Variants in ACSM2A observed in about 807,000 individuals in gnomAD.
ACSM2A encodes the protein acyl-CoA synthetase medium chain family member 2A.
A neutral mutation model predicts 76.6 loss-of-function variants in ACSM2A; 72 were observed. That is an observed-to-expected ratio of 0.94 (90% confidence interval 0.78 to 1.14). The LOEUF (loss-of-function observed/expected upper bound fraction) is 1.14, where lower values mean the gene tolerates loss of function less well. Among genes scored for constraint, ACSM2A ranks in the 50% most tolerant of loss-of-function variants. The pLI is 0.00. For synonymous variants in ACSM2A, 249 were observed against 255.9 expected (o/e 0.97, Z 0.26); for missense variants, 684 against 708.5 (o/e 0.97, Z 0.39).
chr16:20,487,070 AT>A lies in ACSM2A; in HGVS notation c.*393del. ...AATAATTGAAGGGAGAATCAGAAAA[AT>A]AAAGAGCAGAAAGGAAAGAAATAAA... On this transcript the variant is annotated 3_prime_UTR_variant, in exon 14 of 14. Coordinates refer to ENST00000573854, the MANE Select transcript of ACSM2A (RefSeq NM_001308172.2). 6.3e-6 allele frequency: 1 copy of A among 159,834 alleles called. No homozygotes were observed. Among genetic ancestry groups the A allele is most frequent in the African/African-American group, 2.4e-5 (1 of 41,740 alleles). 9.9% of individuals were successfully genotyped at this position (159,834 alleles called of 1,614,324 possible).
intron 3 of ACSM2A, among the ~76,000 whole-genome samples, chr16:20,469,244 T>C (rs2013211817): frequency 6.6e-6 from 1 of 152,160 alleles, no homozygotes; most frequent in Non-Finnish European, 1.5e-5. Context: ...GAGAATTGTA[T>C]GTGTCTTAGA....
chr16:20,474,094 T>C (rs1045259233), intron 6 of ACSM2A: 6 of 446,748 alleles, frequency 1.3e-5, no homozygotes, highest in South Asian at 3.2e-5. Context: ...TGATGTCTTA[T>C]GTCTCCCTAA....
intron 1 of ACSM2A, among the ~76,000 whole-genome samples, chr16:20,459,048 G>C (rs371431680): frequency 6.6e-6 from 1 of 150,960 alleles, no homozygotes; most frequent in South Asian, 2.1e-4. Flanking sequence ...TTCAGGAATG[G>C]AAACCCAAGC....
intron 2 of ACSM2A, among the ~76,000 whole-genome samples, chr16:20,462,902 T>G (rs1214710879): frequency 6.6e-6 from 1 of 151,682 alleles, no homozygotes; most frequent in African/African-American, 2.4e-5. Context: ...TTCACAGTAG[T>G]TGGAAGGTCA....
chr16:20,463,821 C>G (rs35471366), intron 2 of ACSM2A, among the ~76,000 whole-genome samples: 2 of 152,216 alleles, frequency 1.3e-5, no homozygotes, highest in South Asian at 2.1e-4. Context: ...CAAGGTTTAT[C>G]CATGTAATAT....
chr16:20,466,902 G>A (rs1438933881), intron 3 of ACSM2A, among the ~76,000 whole-genome samples: 1 of 152,142 alleles, frequency 6.6e-6, no homozygotes, highest in East Asian at 1.9e-4. Context: ...TGACAAATTT[G>A]TTATTTTTCT....
chr16:20,454,866 A>C (rs60396216), intron 1 of ACSM2A, among the ~76,000 whole-genome samples: 3,959 of 150,366 alleles, frequency 0.026, 168 homozygotes, highest in African/African-American at 0.092. Context: ...AAGCTAATCA[A>C]AGAGGCACCA....
intron 13 of ACSM2A, among the ~76,000 whole-genome samples, chr16:20,483,778 G>T (rs1039353979): frequency 2.6e-5 from 4 of 151,936 alleles, no homozygotes; most frequent in Non-Finnish European, 4.4e-5. Flanking sequence ...AGTATTCAGG[G>T]TTGTGCAACG....
At chr16:20,469,305 G>A (rs1360162714) in intron 3 of ACSM2A, among the ~76,000 whole-genome samples, 3 of 152,038 alleles carry the variant, frequency 2.0e-5, no homozygotes, top group Non-Finnish European at 4.4e-5. Flanking sequence ...TGTCTCAGTA[G>A]GGCCCTTAAG....
chr16:20,477,579 G>C, intron 9 of ACSM2A, 130 bp downstream of exon 9: 1 of 1,442,002 alleles, frequency 6.9e-7, no homozygotes. Flanking sequence ...AGAAAAAAAG[G>C]AGGTAGGGAG....
intron 8 of ACSM2A, chr16:20,476,064 A>G (rs1173131261): frequency 5.6e-6 from 6 of 1,064,210 alleles, no homozygotes; most frequent in East Asian, 5.3e-5. Flanking sequence ...AGTAAAGTAG[A>G]TGACATGGGG....
chr16:20,470,630 T>C (rs557019689), intron 4 of ACSM2A, among the ~76,000 whole-genome samples: 2 of 152,288 alleles, frequency 1.3e-5, no homozygotes, highest in African/African-American at 2.4e-5. Context: ...TTCCAGGGAA[T>C]AGAAGAGAAT....
At chr16:20,482,979 C>T in intron 12 of ACSM2A, 79 bp from the exon 13 acceptor site, 1 of 1,574,018 alleles carries the variant, frequency 6.4e-7, no homozygotes, top group Non-Finnish European at 8.7e-7. Flanking sequence ...TGATGGAAGT[C>T]TTAATGCCAA....
intron 1 of ACSM2A, among the ~76,000 whole-genome samples, chr16:20,454,386 C>A (rs1567353822): frequency 6.6e-6 from 1 of 151,958 alleles, no homozygotes; most frequent in East Asian, 1.9e-4. Context: ...CTCCAATGAA[C>A]TTTTTTTGCC....
Position 20,471,096 on chromosome 16 carries a change from G to A in ACSM2A, c.620G>A (p.Cys207Tyr). 6.2e-7 allele frequency: 1 copy of A among 1,613,594 alleles called. No individual in the cohort carries two copies. The highest frequency in any genetic ancestry group is 8.5e-7 in the Non-Finnish European group (1 of 1,179,664). ...LLNEASTTHH[C>Y]VETGSQEASA... ...AGTGAGGCATCCACCACTCATCACT[G>A]TGTGGAGACTGGAAGCCAGGAAGCA... is the stretch of plus-strand genomic sequence containing the variant. Residue 207 changes from cysteine (C) to tyrosine (Y), a missense_variant, in exon 5 of 14, where the codon TGT (cysteine) becomes TAT (tyrosine). This residue lies in a region of ACSM2A where 519 missense variants were observed against 549.5 expected (regional missense o/e 0.94). Transcript: ENST00000573854.
Position 20,460,183 on chromosome 16 carries a change from C to T in ACSM2A, c.69C>T (p.Leu23=), listed in dbSNP as rs774339388. The T allele has an allele frequency of 6.2e-7, 1 of 1,613,342 alleles. No individual in the cohort carries two copies. The highest frequency in any genetic ancestry group is 2.2e-5 in the East Asian group (1 of 44,860). The change falls in exon 2 of 14, where the codon CTC becomes CTT. Residue 23 remains leucine, a synonymous_variant. Transcript: ENST00000573854. ...GTACTCAGATGTCCAGCCGCACTCT[C>T]TACATTAATAGTAGGCAACTGGTGT... The part of the protein sequence containing the change: ...LWGTQMSSRT[L]YINSRQLVSL...
At chr16:20,452,573 T>G (rs2011837600) in intron 1 of ACSM2A, 1 of 121,596 alleles carries the variant, frequency 8.2e-6, no homozygotes, top group Non-Finnish European at 1.6e-5. Flanking sequence ...CTTATATATA[T>G]GAGTTTATAA....
intron 3 of ACSM2A, 53 bp from the exon 4 acceptor site, chr16:20,469,459 T>A: frequency 6.2e-7 from 1 of 1,608,124 alleles, no homozygotes; most frequent in Non-Finnish European, 8.5e-7. Flanking sequence ...CAGGCTTCTC[T>A]AGGGACAAAG....
intron 6 of ACSM2A, among the ~76,000 whole-genome samples, chr16:20,474,572 A>C (rs1184714505): frequency 6.6e-6 from 1 of 152,226 alleles, no homozygotes; most frequent in African/African-American, 2.4e-5. Context: ...TCCGGTACTC[A>C]GTTACAGCAA....
Sources: allele counts gnomAD v4.1 joint callset (sites outside exome capture counted in the v4.1 genomes callset), GRCh38; gene constraint gnomAD v4.1.1; regional missense constraint gnomAD v4.1.1; transcripts MANE v1.5; gene names NCBI Gene and HGNC (gene_info 2026-07-23, HGNC 2026-07-21).